Variants in SDK1 observed in about 807,000 individuals in gnomAD.
SDK1 encodes the protein protein sidekick-1.
A neutral mutation model predicts 245.5 loss-of-function variants in SDK1; 157 were observed. That is an observed-to-expected ratio of 0.64 (90% CI 0.56 to 0.73). The LOEUF (loss-of-function observed/expected upper bound fraction) is 0.73, where lower values mean the gene tolerates loss of function less well. SDK1 is among the 30% of genes least tolerant of loss of function. The pLI, the probability that SDK1 is intolerant of heterozygous loss-of-function variation, is 0.00. For missense variants in SDK1, 3,583 were observed against 3,002.3 expected (o/e 1.19, Z -4.52); for synonymous variants, 1,647 against 1,278.5 (o/e 1.29, Z -6.15).
chr7:3,849,844 G>A (rs1028827865), intron 5 of SDK1, among the ~76,000 whole-genome samples: 3 of 152,188 alleles, frequency 2.0e-5, no homozygotes, highest in African/African-American at 4.8e-5. Context: ...CAAAGCTCAC[G>A]TGGAGAGTTT....
intron 35 of SDK1, among the ~76,000 whole-genome samples, chr7:4,186,095 A>C (rs1782880721): frequency 6.6e-6 from 1 of 152,250 alleles, no homozygotes; most frequent in African/African-American, 2.4e-5. Flanking sequence ...AAACAGTTAA[A>C]GCTTTAAAAC....
chr7:3,956,239 C>G (rs1781248207), intron 7 of SDK1, among the ~76,000 whole-genome samples: 1 of 152,172 alleles, frequency 6.6e-6, no homozygotes, highest in Non-Finnish European at 1.5e-5. Context: ...GGTTGAGAGT[C>G]TATGCACAGG....
intron 22 of SDK1, among the ~76,000 whole-genome samples, chr7:4,091,329 C>CTTTTCTT (rs1781776700): frequency 8.3e-6 from 1 of 120,696 alleles, no homozygotes; most frequent in Non-Finnish European, 1.6e-5. Flanking sequence ...ATTTTCTTTT[C>CTTTTCTT]TTTTCTTTTT....
intron 5 of SDK1, among the ~76,000 whole-genome samples, chr7:3,895,630 GCTT>G (rs1467326044): frequency 6.9e-6 from 1 of 145,274 alleles, no homozygotes; most frequent in Non-Finnish European, 1.5e-5. Context: ...CTGTCCTGAG[GCTT>G]CTTCTTCTTC....
At position 3,437,963 on chromosome 7, in the gene SDK1, T is replaced by G. The variant is rs1002382569; in HGVS notation, c.298+136079T>G. Among the ~76,000 whole-genome samples, 4 of 152,174 alleles carry G rather than the reference T, an allele frequency of 2.6e-5. 1 individual carries two copies. The highest frequency in any genetic ancestry group is 1.5e-5 in the Non-Finnish European group (1 of 68,026). ...CGTTTGTGTATGAGCCTTGGCAGTT[T>G]CTTTTACACTCTCTCATTTAATCCT... On this transcript the variant is annotated intron_variant, in intron 1 of 44. Coordinates refer to ENST00000404826, the MANE Select transcript of SDK1 (RefSeq NM_152744.4).
At chr7:3,662,871 T>C (rs1265801864) in intron 4 of SDK1, among the ~76,000 whole-genome samples, 1 of 152,226 alleles carries the variant, frequency 6.6e-6, no homozygotes, top group Non-Finnish European at 1.5e-5. Context: ...TCTGAGATGC[T>C]TAACCCAGTA....
chr7:3,988,175 A>C (rs936927203), intron 14 of SDK1, among the ~76,000 whole-genome samples: 9 of 95,160 alleles, frequency 9.5e-5, no homozygotes, highest in Admixed American at 2.8e-4. Context: ...TCCTGCAGCC[A>C]CCCAAATCTC....
intron 32 of SDK1, among the ~76,000 whole-genome samples, chr7:4,165,372 CA>C (rs1322504638): frequency 6.6e-6 from 1 of 152,060 alleles, no homozygotes; most frequent in African/African-American, 2.4e-5. Flanking sequence ...AACAAACAAA[CA>C]AACAAACACG....
intron 35 of SDK1, among the ~76,000 whole-genome samples, chr7:4,204,512 G>A (rs1203621897): frequency 5.3e-5 from 8 of 152,078 alleles, no homozygotes; most frequent in South Asian, 4.2e-4. Flanking sequence ...TGCGCTGGGG[G>A]GAGAGAGCAG....
chr7:4,179,006 G>A (rs1205984397), intron 35 of SDK1: 1 of 169,820 alleles, frequency 5.9e-6, no homozygotes, highest in African/African-American at 2.4e-5. Context: ...CTCTAGGTCT[G>A]GGAGAGCCAT....
chr7:4,051,499 G>C, intron 18 of SDK1, 139 bp from the exon 19 acceptor site: 2 of 682,638 alleles, frequency 2.9e-6, no homozygotes, highest in Non-Finnish European at 4.7e-6. Flanking sequence ...TTTCAAGCGT[G>C]ATTATAAAAT....
At chr7:3,388,823 G>T (rs1055894591) in intron 1 of SDK1, among the ~76,000 whole-genome samples, 5 of 152,180 alleles carry the variant, frequency 3.3e-5, no homozygotes, top group Admixed American at 6.5e-5. Flanking sequence ...TACCTACTGT[G>T]TCAGGCACAT....
chr7:3,587,384 C>T (rs1000284755), intron 1 of SDK1, among the ~76,000 whole-genome samples: 1 of 151,594 alleles, frequency 6.6e-6, no homozygotes, highest in South Asian at 2.1e-4. Context: ...CTGAGAAGGC[C>T]CATGATCTAT....
chr7:3,535,170 G>A (rs1221380553), intron 1 of SDK1, among the ~76,000 whole-genome samples: 1 of 152,144 alleles, frequency 6.6e-6, no homozygotes, highest in South Asian at 2.1e-4. Context: ...CAGCTACTCA[G>A]GAGACTGAGG....
chr7:3,764,645 G>A lies in SDK1; in HGVS notation c.714-56805G>A, dbSNP rs185838615. Among the ~76,000 whole-genome samples, 1,181 of 151,898 alleles carry A rather than the reference G, an allele frequency of 7.8e-3. 11 individuals carry two copies. Among genetic ancestry groups the A allele is most frequent in the Non-Finnish European group, 0.012 (809 of 67,976 alleles). On this transcript the variant is annotated intron_variant, in intron 4 of 44. Transcript: ENST00000404826. ...TGCAGCGAGCAGGGATTGCGCCACCGCACTCTAGCCTGGGCGACAGAGTGA... is the reference window on the plus strand; with the variant it reads ...TGCAGCGAGCAGGGATTGCGCCACCACACTCTAGCCTGGGCGACAGAGTGA...
At chr7:4,024,066 G>A (rs944800294) in intron 17 of SDK1, among the ~76,000 whole-genome samples, 5 of 151,950 alleles carry the variant, frequency 3.3e-5, no homozygotes, top group Non-Finnish European at 7.4e-5. Flanking sequence ...TTTTTTTCTG[G>A]TTTTATTTCT....
intron 1 of SDK1, among the ~76,000 whole-genome samples, chr7:3,590,626 A>C (rs1192857547): frequency 6.6e-6 from 1 of 152,184 alleles, no homozygotes; most frequent in African/African-American, 2.4e-5. Flanking sequence ...CAAATTTCAA[A>C]TAACTGTATG....
chr7:4,191,943 G>A (rs2128222793), intron 35 of SDK1, among the ~76,000 whole-genome samples: 1 of 152,310 alleles, frequency 6.6e-6, no homozygotes, highest in Non-Finnish European at 1.5e-5. Flanking sequence ...AAAGGGCTTT[G>A]ACGGCAGTTT....
intron 1 of SDK1, among the ~76,000 whole-genome samples, chr7:3,465,210 A>G (rs983151530): frequency 6.6e-6 from 1 of 152,120 alleles, no homozygotes; most frequent in African/African-American, 2.4e-5. Flanking sequence ...GACTTGTAGC[A>G]TCTCTGGATT....
Sources: gnomAD v4.1 joint callset for allele counts (sites outside exome capture counted in the v4.1 genomes callset) on GRCh38, gnomAD v4.1.1 for gene constraint, MANE v1.5 for transcripts, NCBI Gene and HGNC (gene_info 2026-07-23, HGNC 2026-07-21) for gene names.